CACNA1A: variants seen among roughly 807,000 people sequenced by gnomAD.
CACNA1A encodes calcium voltage-gated channel subunit alpha1 A, also known as voltage-dependent P/Q-type calcium channel subunit alpha-1A.
In CACNA1A, 57 loss-of-function variants were observed where a neutral mutation model predicts 262.4. The ratio of observed to expected loss-of-function variants is 0.22; its 90% CI spans 0.18 to 0.27. The LOEUF is 0.27. Among genes scored for constraint, CACNA1A ranks in the 10% least tolerant of loss-of-function variants. The pLI is 1.00. For synonymous variants in CACNA1A, 1,431 were observed against 1,419.3 expected (o/e 1.01, Z -0.18); for missense variants, 2,526 against 3,562.8 (o/e 0.71, Z 7.41).
intron 19 of CACNA1A, among the ~76,000 whole-genome samples, chr19:13,292,376 G>A (rs1190793412): frequency 6.6e-6 from 1 of 152,164 alleles, no homozygotes; most frequent in Non-Finnish European, 1.5e-5. Flanking sequence ...ACTTTGGGAG[G>A]CTGAGGTGGG....
intron 3 of CACNA1A, among the ~76,000 whole-genome samples, chr19:13,410,960 G>T (rs898078005): frequency 1.3e-5 from 2 of 152,000 alleles, no homozygotes; most frequent in Admixed American, 6.6e-5. Flanking sequence ...GCTCAGTCCT[G>T]GGTGCTCTCC....
At chr19:13,265,292 C>T (rs2144783820) in intron 24 of CACNA1A, among the ~76,000 whole-genome samples, 1 of 152,338 alleles carries the variant, frequency 6.6e-6, no homozygotes, top group African/African-American at 2.4e-5. Context: ...TAGAAAACAT[C>T]TCCCTACAGT....
At chr19:13,406,591 T>G (rs1053530121) in intron 3 of CACNA1A, among the ~76,000 whole-genome samples, 1 of 145,806 alleles carries the variant, frequency 6.9e-6, no homozygotes, top group Admixed American at 7.0e-5. Flanking sequence ...GTGCATTCAG[T>G]GTCCACTCCC....
chr19:13,253,915 T>G (rs1347090158), intron 29 of CACNA1A, among the ~76,000 whole-genome samples: 4 of 152,064 alleles, frequency 2.6e-5, no homozygotes, highest in African/African-American at 7.2e-5. Context: ...AATTTTTGTA[T>G]TTTTAGTAGA....
intron 10 of CACNA1A, among the ~76,000 whole-genome samples, chr19:13,324,338 C>T (rs549748750): frequency 9.2e-5 from 14 of 152,072 alleles, no homozygotes; most frequent in Non-Finnish European, 1.5e-4. Flanking sequence ...CATTGCATTG[C>T]ATCGCATTTA....
At chr19:13,226,735 G>A (rs765761343) in intron 37 of CACNA1A, among the ~76,000 whole-genome samples, 2 of 152,192 alleles carry the variant, frequency 1.3e-5, no homozygotes, top group African/African-American at 4.8e-5. Context: ...CCAAGGCAGC[G>A]TGCATGGCCT....
chr19:13,413,896 AAAG>A (rs1399512669), intron 3 of CACNA1A, among the ~76,000 whole-genome samples: 3 of 3,648 alleles, frequency 8.2e-4, no homozygotes, highest in African/African-American at 3.0e-3. Context: ...AAAGAAAGAA[AAAG>A]AAAGAAAGAA....
intron 1 of CACNA1A, among the ~76,000 whole-genome samples, chr19:13,466,593 A>G (rs1243752874): frequency 6.6e-6 from 1 of 152,006 alleles, no homozygotes; most frequent in Non-Finnish European, 1.5e-5. Context: ...TGCCCACCTC[A>G]ACCTCCCAAA....
At chr19:13,304,340 A>C (rs2057853562) in intron 15 of CACNA1A, among the ~76,000 whole-genome samples, 1 of 152,094 alleles carries the variant, frequency 6.6e-6, no homozygotes, top group South Asian at 2.1e-4. Context: ...TTATAAGAAC[A>C]GGAAGAGACC....
intron 36 of CACNA1A, chr19:13,228,918 G>T: frequency 1.9e-6 from 1 of 523,462 alleles, no homozygotes; most frequent in Non-Finnish European, 3.4e-6. Context: ...GAGAGACTGG[G>T]GACAAGTGAA....
At chr19:13,280,157 G>A (rs1033054723) in intron 22 of CACNA1A, among the ~76,000 whole-genome samples, 2 of 150,436 alleles carry the variant, frequency 1.3e-5, no homozygotes, top group African/African-American at 2.4e-5. Flanking sequence ...TAGAAACTTC[G>A]CTTTTGGTTT....
At chr19:13,239,848 G>C (rs2056010982) in intron 31 of CACNA1A, among the ~76,000 whole-genome samples, 1 of 151,944 alleles carries the variant, frequency 6.6e-6, no homozygotes, top group Admixed American at 6.6e-5. Flanking sequence ...ACAGAGACAG[G>C]AACAGTGAAT....
At chr19:13,274,267 C>T (rs1048516607) in intron 24 of CACNA1A, 1 of 152,220 alleles carries the variant, frequency 6.6e-6, no homozygotes, top group African/African-American at 2.4e-5. Flanking sequence ...TGTTCTAACA[C>T]AACTTGACCT....
chr19:13,327,827 C>A (rs62109078), intron 10 of CACNA1A, among the ~76,000 whole-genome samples: 37,224 of 152,090 alleles, frequency 0.24, 5,736 homozygotes, highest in African/African-American at 0.44. Flanking sequence ...CCCGCCTCAG[C>A]CTCCCAAAGT....
intron 3 of CACNA1A, among the ~76,000 whole-genome samples, chr19:13,440,446 G>A (rs963092526): frequency 1.3e-5 from 2 of 152,206 alleles, no homozygotes; most frequent in African/African-American, 2.4e-5. Context: ...AATAGCAAAC[G>A]TTCCCTACAG....
intron 36 of CACNA1A, chr19:13,229,608 TC>T (rs967710278): frequency 6.5e-6 from 1 of 153,898 alleles, no homozygotes; most frequent in African/African-American, 2.4e-5. Flanking sequence ...GTCCTCTCAC[TC>T]CCAGGTTCAC....
At chr19:13,300,782 A>G (rs985476604) in intron 17 of CACNA1A, 126 bp from the exon 18 acceptor site, 10 of 758,134 alleles carry the variant, frequency 1.3e-5, no homozygotes, top group Admixed American at 1.9e-5. Flanking sequence ...AGGCTCCCCA[A>G]TTGGAATGGG....
chr19:13,397,789 G>C (rs2059834467), intron 3 of CACNA1A, among the ~76,000 whole-genome samples: 1 of 152,084 alleles, frequency 6.6e-6, no homozygotes, highest in African/African-American at 2.4e-5. Context: ...ACTACTTCTG[G>C]GTCTGTCCCA....
At chr19:13,378,967 C>A (rs62111196) in intron 3 of CACNA1A, among the ~76,000 whole-genome samples, 1 of 111,754 alleles carries the variant, frequency 8.9e-6, no homozygotes, top group Non-Finnish European at 1.8e-5. Flanking sequence ...CTGTGCCCAG[C>A]CTTTTTTTTT....
Sources: gnomAD v4.1 joint callset for allele counts (sites outside exome capture counted in the v4.1 genomes callset) on GRCh38, gnomAD v4.1.1 for gene constraint, MANE v1.5 for transcripts, NCBI Gene and HGNC (gene_info 2026-07-23, HGNC 2026-07-21) for gene names.